SURF1: variants seen among roughly 807,000 people sequenced by gnomAD.
The protein encoded by SURF1 is SURF1 cytochrome c oxidase assembly factor.
Under a neutral mutation model 34.1 loss-of-function variants are expected in SURF1, and 45 were observed. That is an observed-to-expected ratio of 1.32 (90% CI 1.04 to 1.69). SURF1 has a LOEUF of 1.69. Ranked by LOEUF, SURF1 falls within the 40% of genes most tolerant of loss-of-function variation. The probability of loss-of-function intolerance (pLI) is 0.00; values close to 1 mark genes in which losing one functional copy is unlikely to be tolerated. For synonymous variants in SURF1, 188 were observed against 147.5 expected (o/e 1.27, Z -1.99); for missense variants, 456 against 384.6 (o/e 1.19, Z -1.55).
intron 7 of SURF1, 46 bp from the exon 8 acceptor site, chr9:133,352,188 C>G (rs1002251672): frequency 1.4e-5 from 21 of 1,539,764 alleles, no homozygotes; most frequent in South Asian, 1.1e-4. Flanking sequence ...GGCCTGCCAG[C>G]CTCTGCACCA....
At chr9:133,354,128 G>C (rs1167547148) in intron 4 of SURF1, 188 bp from the exon 5 acceptor site, 5 of 693,686 alleles carry the variant, frequency 7.2e-6, no homozygotes, top group Non-Finnish European at 1.3e-5. Flanking sequence ...AACTTTACAA[G>C]AGAGGCTAAA....
Position 133,351,836 on chromosome 9 carries a change from C to A in SURF1, c.*77G>T. On this transcript the variant is annotated 3_prime_UTR_variant, in exon 9 of 9. Transcript: ENST00000371974. Reference sequence around the variant, plus strand: ...AAGGTAGAAGGCCAGAACTTTATACCAGTAGCACATGATCCAGCATAAAGG... The same window carrying A: ...AAGGTAGAAGGCCAGAACTTTATACAAGTAGCACATGATCCAGCATAAAGG... 1 of 1,477,662 alleles carries A rather than the reference C, an allele frequency of 6.8e-7. No individual in the cohort carries two copies. The allele number at this position is 1,477,662 out of a possible 1,614,324, so 91.5% of individuals were successfully genotyped here.
In SURF1 at chr9:133,352,068, C is replaced by G. The variant is rs141561701; in HGVS notation, c.826G>C (p.Val276Leu). The change falls in exon 8 of 9, where the codon GTG becomes CTG. Residue 276 changes from valine (V) to leucine (L), a missense_variant. Coordinates refer to ENST00000371974, the MANE Select transcript of SURF1 (RefSeq NM_003172.4). ...TLRNEHLQYIVTWYGLSAATS... is the reference protein window; with the variant it reads ...TLRNEHLQYILTWYGLSAATS... Reference sequence around the variant, plus strand: ...GGGCCGCTGGGGACTCACCAGGTCACGATGTACTGCAGATGCTCGTTCCTC... The same window carrying G: ...GGGCCGCTGGGGACTCACCAGGTCAGGATGTACTGCAGATGCTCGTTCCTC... 1 of 1,611,532 alleles carries G rather than the reference C, an allele frequency of 6.2e-7. No homozygotes were observed. Among genetic ancestry groups the G allele is most frequent in the African/African-American group, 1.3e-5 (1 of 74,898 alleles).
At position 133,352,004 on chromosome 9, in the gene SURF1, G is replaced by A. The variant is rs2130003547; in HGVS notation, c.834-22C>T. The A allele has an allele frequency of 6.2e-6, 10 of 1,613,386 alleles. No homozygotes were observed. The African/African-American group carries it at 6.7e-5, about 11-fold the overall frequency. ...ATACCTAGGGGTTGAAAGCAAGCCAGCATTAGCAGGCTGCTAGGCTGAAGG... is the reference window on the plus strand; with the variant it reads ...ATACCTAGGGGTTGAAAGCAAGCCAACATTAGCAGGCTGCTAGGCTGAAGG... On this transcript the variant is annotated intron_variant, in intron 8 of 8. Coordinates refer to ENST00000371974, the MANE Select transcript of SURF1 (RefSeq NM_003172.4).
chr9:133,353,412 T>TC (rs1836486971), intron 5 of SURF1, among the ~76,000 whole-genome samples: 1 of 152,158 alleles, frequency 6.6e-6, no homozygotes, highest in Non-Finnish European at 1.5e-5. Context: ...TGGGGTCCTT[T>TC]CTCTTGAAGT....
chr9:133,351,884 C>A lies in SURF1; in HGVS notation c.*29G>T. 6.2e-7 allele frequency: 1 copy of A among 1,608,820 alleles called. No individual in the cohort carries two copies. Among genetic ancestry groups the A allele is most frequent in the Non-Finnish European group, 8.5e-7 (1 of 1,177,004 alleles). ...AGGCAGTCTTGAAATACTGCATTATCCAGGGACAGGGCTTCAGCAGCTGAT... is the reference window on the plus strand; with the variant it reads ...AGGCAGTCTTGAAATACTGCATTATACAGGGACAGGGCTTCAGCAGCTGAT... On this transcript the variant is annotated 3_prime_UTR_variant, in exon 9 of 9. Transcript: ENST00000371974.
In SURF1 at chr9:133,353,811, G is replaced by A. The variant is rs2130014675; in HGVS notation, c.453C>T (p.Leu151=). 19 of 1,613,724 alleles carry A rather than the reference G, an allele frequency of 1.2e-5. No homozygotes were observed. In the East Asian group the frequency reaches 4.0e-4, roughly 34 times the overall value. The change falls in exon 5 of 9, where the codon CTC becomes CTT. Residue 151 remains leucine (L), a synonymous_variant. Transcript: ENST00000371974. ...DPVREAREGG[L]ISSSTQSGAY... is the part of the protein sequence containing the mutation. Reference sequence around the variant, plus strand: ...CCCCACTCTGAGTTGAGGAGGAGATGAGGCCGCCCTCCCGGGCCTCCCGGA... The same window carrying A: ...CCCCACTCTGAGTTGAGGAGGAGATAAGGCCGCCCTCCCGGGCCTCCCGGA...
rs1836417912 is a variant in SURF1, at chr9:133,351,852, A to T, written c.*61T>A. The stretch of plus-strand genomic sequence containing the variant: ...ACTTTATACCAGTAGCACATGATCC[A>T]GCATAAAGGCAGTCTTGAAATACTG... On this transcript the variant is annotated 3_prime_UTR_variant, in exon 9 of 9. Coordinates refer to ENST00000371974, the MANE Select transcript of SURF1 (RefSeq NM_003172.4). 6.5e-7 allele frequency: 1 copy of T among 1,541,440 alleles called. No homozygotes were observed. The highest frequency in any genetic ancestry group is 8.9e-7 in the Non-Finnish European group (1 of 1,123,824).
intron 4 of SURF1, chr9:133,354,248 T>C (rs145599796): frequency 7.9e-4 from 406 of 512,500 alleles, no homozygotes; most frequent in African/African-American, 6.9e-3. Context: ...GAATGGAAAA[T>C]GTGGCTGAAT....
At chr9:133,354,632 G>A in intron 4 of SURF1, 27 bp downstream of exon 4, 1 of 1,611,466 alleles carries the variant, frequency 6.2e-7, no homozygotes, top group African/African-American at 1.3e-5. Context: ...AGTAAAACAG[G>A]CCCTAGGGGG....
chr9:133,356,317 G>A lies in SURF1; in HGVS notation c.58C>T (p.Pro20Ser). The A allele has an allele frequency of 1.3e-6, 2 of 1,518,468 alleles. No individual in the cohort carries two copies. Among genetic ancestry groups the A allele is most frequent in the Non-Finnish European group, 1.8e-6 (2 of 1,140,156 alleles). The allele number at this position is 1,518,468 out of a possible 1,614,324, so 94.1% of individuals were successfully genotyped here. A position where few individuals can be genotyped will look rare whatever the true frequency, so the allele number is the denominator to read the frequency against. ...ACGCTCCTCCAGGCGGCGCTGGCCG[G>A]GGCCTGCGGACACGGACGGGCGGGC... ...GLRAAGLGRA[P>S]ASAAWRSVLR... Residue 20 changes from proline to serine, a missense_variant, in exon 2 of 9, where the codon CCG (proline) becomes TCG (serine). Pro to Ser is a moderately conservative substitution (Grantham distance 74). Coordinates refer to ENST00000371974, the MANE Select transcript of SURF1 (RefSeq NM_003172.4).
In SURF1 at chr9:133,356,301, C is replaced by T. The variant is rs1187982748; in HGVS notation, c.74G>A (p.Trp25Ter). 5.9e-6 allele frequency: 9 copies of T among 1,527,316 alleles called. No homozygotes were observed. The highest frequency in any genetic ancestry group is 7.9e-6 in the Non-Finnish European group (9 of 1,143,910). The allele number at this position is 1,527,316 out of a possible 1,614,324, so 94.6% of individuals were successfully genotyped here. A position where few individuals can be genotyped will look rare whatever the true frequency, so the allele number is the denominator to read the frequency against. Residue 25 changes from tryptophan (W) to a stop codon, truncating the protein, a stop_gained, in exon 2 of 9, where the codon TGG becomes TAG. Transcript: ENST00000371974. LOFTEE classifies it high-confidence loss of function. ...CGGGGAGACCCTGAGGACGCTCCTC[C>T]AGGCGGCGCTGGCCGGGGCCTGCGG... The part of the protein sequence containing the change: ...GLGRAPASAA[W>*]RSVLRVSPRP...
chr9:133,354,703 C>T lies in SURF1; in HGVS notation c.279G>A (p.Glu93=), dbSNP rs2130017981. ...GCTCAGCCAGAACTCTGGACTCCAA[C>T]TCTGCAATCAGGTTCAGCTTCCACT... The part of the protein sequence containing the change: ...RRKWKLNLIA[E]LESRVLAEPV... The change falls in exon 4 of 9, where the codon GAG becomes GAA. Residue 93 remains glutamate, a synonymous_variant. Transcript: ENST00000371974. 1 of 1,613,534 alleles carries T rather than the reference C, an allele frequency of 6.2e-7. No individual in the cohort carries two copies. The highest frequency in any genetic ancestry group is 8.5e-7 in the Non-Finnish European group (1 of 1,180,030).
intron 2 of SURF1, among the ~76,000 whole-genome samples, chr9:133,355,620 C>T (rs188120709): frequency 1.5e-3 from 224 of 152,284 alleles, no homozygotes; most frequent in African/African-American, 5.3e-3. Context: ...GTAGCTTAGT[C>T]AGGCACTAGT....
chr9:133,356,424 C>G lies in SURF1; in HGVS notation c.30G>C (p.Gly10=). Residue 10 remains glycine, a synonymous_variant, in exon 1 of 9, where the codon GGG becomes GGC. Transcript: ENST00000371974. MAAVAALQL[G]LRAAGLGRAP... is the part of the protein sequence containing the mutation. ...CCCGTCCCAGCCCCGCCGCCCGCAG[C>G]CCCAGCTGCAACGCAGCCACCGCCG... is the stretch of plus-strand genomic sequence containing the variant. 2.1e-6 allele frequency: 3 copies of G among 1,399,476 alleles called. No homozygotes were observed. Among genetic ancestry groups the G allele is most frequent in the South Asian group, 3.0e-5 (2 of 65,642 alleles). 86.7% of individuals were successfully genotyped at this position (1,399,476 alleles called of 1,614,324 possible).
Position 133,351,846 on chromosome 9 carries a change from T to C in SURF1, c.*67A>G. ...GCCAGAACTTTATACCAGTAGCACATGATCCAGCATAAAGGCAGTCTTGAA... is the reference window on the plus strand; with the variant it reads ...GCCAGAACTTTATACCAGTAGCACACGATCCAGCATAAAGGCAGTCTTGAA... On this transcript the variant is annotated 3_prime_UTR_variant, in exon 9 of 9. Coordinates refer to ENST00000371974, the MANE Select transcript of SURF1 (RefSeq NM_003172.4). 1 of 1,523,496 alleles carries C rather than the reference T, an allele frequency of 6.6e-7. No homozygotes were observed. Among genetic ancestry groups the C allele is most frequent in the Non-Finnish European group, 9.0e-7 (1 of 1,109,804 alleles). The allele number at this position is 1,523,496 out of a possible 1,614,324, so 94.4% of individuals were successfully genotyped here.
At chr9:133,354,572 C>T (rs1836516213) in intron 4 of SURF1, 87 bp downstream of exon 4, 2 of 1,536,476 alleles carry the variant, frequency 1.3e-6, no homozygotes, top group African/African-American at 2.7e-5. Flanking sequence ...AAAGTCCCAC[C>T]AAAAGGGGCA....
chr9:133,352,184 C>T lies in SURF1; in HGVS notation c.752-42G>A, dbSNP rs2130005475. 3 of 1,546,416 alleles carry T rather than the reference C, an allele frequency of 1.9e-6. No homozygotes were observed. The South Asian group carries it at 3.5e-5, about 18-fold the overall frequency. On this transcript the variant is annotated intron_variant, in intron 7 of 8. Coordinates refer to ENST00000371974, the MANE Select transcript of SURF1 (RefSeq NM_003172.4). ...CTCAAGTCCACCCCCTACTGGCCTG[C>T]CAGCCTCTGCACCACTTCCTAGTGG...
Position 133,356,305 on chromosome 9 carries a change from C to G in SURF1, c.70G>C (p.Ala24Pro). 3 of 1,524,438 alleles carry G rather than the reference C, an allele frequency of 2.0e-6. No individual in the cohort carries two copies. Among genetic ancestry groups the G allele is most frequent in the Non-Finnish European group, 1.8e-6 (2 of 1,142,602 alleles). 94.4% of individuals were successfully genotyped at this position (1,524,438 alleles called of 1,614,324 possible). A position where few individuals can be genotyped will look rare whatever the true frequency, so the allele number is the denominator to read the frequency against. ...GAGACCCTGAGGACGCTCCTCCAGG[C>G]GGCGCTGGCCGGGGCCTGCGGACAC... ...AGLGRAPASA[A>P]WRSVLRVSPR... The change falls in exon 2 of 9, where the codon GCC becomes CCC. Residue 24 changes from alanine to proline, a missense_variant. Transcript: ENST00000371974.
Sources: gnomAD v4.1 joint callset for allele counts (sites outside exome capture counted in the v4.1 genomes callset) on GRCh38, gnomAD v4.1.1 for gene constraint, MANE v1.5 for transcripts, NCBI Gene and HGNC (gene_info 2026-07-23, HGNC 2026-07-21) for gene names.